The following KCNK12 variants were observed in gnomAD, a reference collection of about 807,000 sequenced individuals.
KCNK12 encodes potassium channel subfamily K member 12.
KCNK12 carries 6 observed loss-of-function variants against 25.3 expected under a neutral mutation model. The ratio of observed to expected loss-of-function variants is 0.24; its 90% confidence interval spans 0.13 to 0.47. The LOEUF (loss-of-function observed/expected upper bound fraction) is 0.47. Among genes scored for constraint, KCNK12 ranks in the 20% least tolerant of loss-of-function variants. The probability of loss-of-function intolerance (pLI) is 0.99; values close to 1 mark genes in which losing one functional copy is unlikely to be tolerated. For synonymous variants in KCNK12, 331 were observed against 311.1 expected (o/e 1.06, Z -0.67); for missense variants, 444 against 661.7 (o/e 0.67, Z 3.61).
At chr2:47,522,754 A>C (rs1370928496) in intron 1 of KCNK12, among the ~76,000 whole-genome samples, 1 of 152,226 alleles carries the variant, frequency 6.6e-6, no homozygotes. Context: ...TCACTTCCCT[A>C]GTTCTTACAG....
chr2:47,532,886 T>G (rs2104777840), intron 1 of KCNK12, among the ~76,000 whole-genome samples: 1 of 152,308 alleles, frequency 6.6e-6, no homozygotes, highest in South Asian at 2.1e-4. Context: ...AGAGCAGAAC[T>G]AGGAACAGGG....
At chr2:47,568,442 T>TTGTG (rs747745425) in intron 1 of KCNK12, among the ~76,000 whole-genome samples, 3 of 152,200 alleles carry the variant, frequency 2.0e-5, no homozygotes, top group Non-Finnish European at 4.4e-5. Flanking sequence ...TTTATCCAAT[T>TTGTG]TGTGTGTGCC....
intron 1 of KCNK12, among the ~76,000 whole-genome samples, chr2:47,542,406 T>C (rs1348269157): frequency 6.6e-6 from 1 of 152,236 alleles, no homozygotes; most frequent in African/African-American, 2.4e-5. Context: ...TAGTAGATGC[T>C]CAGTAAACAG....
chr2:47,553,296 G>A (rs1364543983), intron 1 of KCNK12, among the ~76,000 whole-genome samples: 1 of 152,240 alleles, frequency 6.6e-6, no homozygotes, highest in East Asian at 1.9e-4. Flanking sequence ...CATGTTGGCA[G>A]TCCTCTTGAA....
intron 1 of KCNK12, among the ~76,000 whole-genome samples, chr2:47,544,482 C>G (rs1028724879): frequency 6.6e-6 from 1 of 152,256 alleles, no homozygotes; most frequent in South Asian, 2.1e-4. Flanking sequence ...CACCATTGTT[C>G]GCAGCGTTCC....
Position 47,516,287 on chromosome 2 carries a change from C to G in KCNK12, c.*4620G>C, listed in dbSNP as rs1014928732. On this transcript the variant is annotated 3_prime_UTR_variant, in exon 2 of 2. Coordinates refer to ENST00000327876, the MANE Select transcript of KCNK12 (RefSeq NM_022055.2). ...CAATGAAATCAGACTCCTGGGAGTA[C>G]GGCCCGGGCCTCGGGATCCTTTAAA... Among the ~76,000 whole-genome samples the G allele has an allele frequency of 6.6e-6, 1 of 152,220 alleles. No individual in the cohort carries two copies. Among genetic ancestry groups the G allele is most frequent in the East Asian group, 1.9e-4 (1 of 5,190 alleles).
rs1669631589 is a variant in KCNK12, at chr2:47,560,040, T to C, written c.391+9901A>G. On this transcript the variant is annotated intron_variant, in intron 1 of 1. Transcript: ENST00000327876. The surrounding 1 kb of genome is among the most constrained non-coding windows in gnomAD (Gnocchi z 4.7). ...GCAGGGTCTGTTTCAGGACATGACC[T>C]TAGGCAGAGTCTCCCTCAAGCCAAC... Among the ~76,000 whole-genome samples the C allele has an allele frequency of 6.6e-6, 1 of 152,210 alleles. No individual in the cohort carries two copies. Among genetic ancestry groups the C allele is most frequent in the Non-Finnish European group, 1.5e-5 (1 of 68,020 alleles).
rs1033369393 is a variant in KCNK12 at position 47,538,710 on chromosome 2, G to A, written c.392-16902C>T. ...CATTTGAACCCAGGAGGCAGAGGCT[G>A]CAGTGAGCCTAGACTGCACCACTGC... On this transcript the variant is annotated intron_variant, in intron 1 of 1. Coordinates refer to ENST00000327876, the MANE Select transcript of KCNK12 (RefSeq NM_022055.2). This position sits in a 1 kb window ranked among gnomAD's most constrained non-coding sequence, Gnocchi z 4.5. 9.9e-5 allele frequency among the ~76,000 whole-genome samples: 15 copies of A among 152,232 alleles called. No individual in the cohort carries two copies. The highest frequency in any genetic ancestry group is 4.1e-4 in the South Asian group (2 of 4,836).
Position 47,538,734 on chromosome 2 carries a change from GCA to G in KCNK12, c.392-16928_392-16927del, listed in dbSNP as rs1434176667. On this transcript the variant is annotated intron_variant, in intron 1 of 1. Transcript: ENST00000327876. This position sits in a 1 kb window ranked among gnomAD's most constrained non-coding sequence, Gnocchi z 4.5. ...TGCAGTGAGCCTAGACTGCACCACT[GCA>G]CTCTAGCCTGGGTGACAGAGAAAAC... Among the ~76,000 whole-genome samples, 2 of 152,174 alleles carry G rather than the reference GCA, an allele frequency of 1.3e-5. No homozygotes were observed. Among genetic ancestry groups the G allele is most frequent in the Non-Finnish European group, 2.9e-5 (2 of 68,026 alleles).
rs1669839611 is a variant in KCNK12, at chr2:47,569,158, T to C, written c.391+783A>G. ...AGGTTGAGAAAACGTGAACTGTTTA[T>C]ATCCAAAAAAAGAGAGAAGAGATGA... On this transcript the variant is annotated intron_variant, in intron 1 of 1. Coordinates refer to ENST00000327876, the MANE Select transcript of KCNK12 (RefSeq NM_022055.2). This position sits in a 1 kb window ranked among gnomAD's most constrained non-coding sequence, Gnocchi z 4.1. 6.6e-6 allele frequency among the ~76,000 whole-genome samples: 1 copy of C among 151,998 alleles called. No homozygotes were observed. Among genetic ancestry groups the C allele is most frequent in the Non-Finnish European group, 1.5e-5 (1 of 67,988 alleles).
rs546929973 is a variant in KCNK12 at position 47,547,232 on chromosome 2, C to T, written c.391+22709G>A. Among the ~76,000 whole-genome samples, 33 of 152,286 alleles carry T rather than the reference C, an allele frequency of 2.2e-4. 2 individuals carry two copies. In the South Asian group the frequency reaches 3.1e-3, roughly 14 times the overall value. On this transcript the variant is annotated intron_variant, in intron 1 of 1. Coordinates refer to ENST00000327876, the MANE Select transcript of KCNK12 (RefSeq NM_022055.2). The surrounding 1 kb of genome is among the most constrained non-coding windows in gnomAD (Gnocchi z 5.0). The stretch of plus-strand genomic sequence containing the variant: ...TTCAGATCTCTTCTTTTCTGGCTCC[C>T]ACGAACACGCCCTGGGACTCTGTGG...
chr2:47,550,074 A>G (rs1669394469), intron 1 of KCNK12, among the ~76,000 whole-genome samples: 1 of 152,228 alleles, frequency 6.6e-6, no homozygotes, highest in South Asian at 2.1e-4. Flanking sequence ...CTGTAACCAA[A>G]AAAAGACTGA....
At chr2:47,550,109 C>T (rs1300818546) in intron 1 of KCNK12, among the ~76,000 whole-genome samples, 1 of 152,038 alleles carries the variant, frequency 6.6e-6, no homozygotes, top group Non-Finnish European at 1.5e-5. Flanking sequence ...ACCTGCAGAA[C>T]AATGTAAATT....
rs1192913530 is a variant in KCNK12 at position 47,569,300 on chromosome 2, T to TG, written c.391+640dup. ...AGAAATTGGAGAAGGGGCTGGGAGC[T>TG]GGGGGAGAACACAAGGAAGGGAGGC... is the stretch of plus-strand genomic sequence containing the variant. On this transcript the variant is annotated intron_variant, in intron 1 of 1. Coordinates refer to ENST00000327876, the MANE Select transcript of KCNK12 (RefSeq NM_022055.2). The surrounding 1 kb of genome is among the most constrained non-coding windows in gnomAD (Gnocchi z 4.1). Among the ~76,000 whole-genome samples the TG allele has an allele frequency of 6.6e-6, 1 of 151,534 alleles. No individual in the cohort carries two copies. Among genetic ancestry groups the TG allele is most frequent in the East Asian group, 1.9e-4 (1 of 5,130 alleles).
intron 1 of KCNK12, among the ~76,000 whole-genome samples, chr2:47,544,201 A>T (rs1669262865): frequency 6.6e-6 from 1 of 152,164 alleles, no homozygotes; most frequent in South Asian, 2.1e-4. Flanking sequence ...CTGTGCCCCC[A>T]TTCCCCATCA....
chr2:47,558,707 C>T (rs775621043), intron 1 of KCNK12, among the ~76,000 whole-genome samples: 83 of 152,266 alleles, frequency 5.5e-4, no homozygotes, highest in Non-Finnish European at 1.0e-3. Context: ...AGGAGTCACG[C>T]GGAGTGCGAT....
chr2:47,536,756 T>C (rs748780), intron 1 of KCNK12, among the ~76,000 whole-genome samples: 82,234 of 152,064 alleles, frequency 0.54, 24,066 homozygotes, highest in African/African-American at 0.77. Context: ...AGGTGATTTA[T>C]GGAGGACTTA....
chr2:47,524,119 T>C (rs761412698), intron 1 of KCNK12, among the ~76,000 whole-genome samples: 6 of 152,206 alleles, frequency 3.9e-5, no homozygotes, highest in Non-Finnish European at 7.3e-5. Flanking sequence ...AGATGGATTA[T>C]GTCCCTAGAT....
rs895561642 is a variant in KCNK12 at position 47,562,115 on chromosome 2, T to C, written c.391+7826A>G. 9 of 398,468 alleles carry C rather than the reference T, an allele frequency of 2.3e-5. No homozygotes were observed. Among genetic ancestry groups the C allele is most frequent in the African/African-American group, 1.2e-4 (6 of 48,622 alleles). The allele number at this position is 398,468 out of a possible 1,614,324, so 24.7% of individuals were successfully genotyped here. A position where few individuals can be genotyped will look rare whatever the true frequency, so the allele number is the denominator to read the frequency against. The stretch of plus-strand genomic sequence containing the variant: ...GACTCCAAGTGCATCAGCATAGGCA[T>C]TGCCAGGAGCTCATGAGGAATGCAG... On this transcript the variant is annotated intron_variant, in intron 1 of 1. Transcript: ENST00000327876. This position sits in a 1 kb window ranked among gnomAD's most constrained non-coding sequence, Gnocchi z 4.8.
Sources: allele counts gnomAD v4.1 joint callset (sites outside exome capture counted in the v4.1 genomes callset), GRCh38; gene constraint gnomAD v4.1.1; non-coding constraint Gnocchi (gnomAD v3.1); transcripts MANE v1.5; gene names NCBI Gene and HGNC (gene_info 2026-07-23, HGNC 2026-07-21).